The following PCSK5 variants were observed in gnomAD, a reference collection of about 807,000 sequenced individuals.
The protein encoded by PCSK5 is prohormone convertase 5.
A neutral mutation model predicts 233.2 loss-of-function variants in PCSK5; 129 were observed. That is an observed-to-expected ratio of 0.55 (90% CI 0.48 to 0.64). The LOEUF (loss-of-function observed/expected upper bound fraction) is 0.64. PCSK5 is among the 30% of genes least tolerant of loss of function. The pLI is 0.00. For missense variants in PCSK5, 2,076 were observed against 2,430.1 expected (o/e 0.85, Z 3.06); for synonymous variants, 825 against 879.2 (o/e 0.94, Z 1.09).
chr9:76,288,671 T>A (rs1419279569), intron 24 of PCSK5, among the ~76,000 whole-genome samples: 1 of 152,186 alleles, frequency 6.6e-6, no homozygotes, highest in Non-Finnish European at 1.5e-5. Context: ...TGCTGACTTG[T>A]GCCGACATTT....
intron 16 of PCSK5, among the ~76,000 whole-genome samples, chr9:76,182,832 G>GA (rs750391292): frequency 6.6e-6 from 1 of 152,124 alleles, no homozygotes; most frequent in African/African-American, 2.4e-5. Flanking sequence ...GAGACAAAGA[G>GA]AAAACTCAAG....
chr9:75,963,647 G>A (rs186048229), intron 2 of PCSK5, among the ~76,000 whole-genome samples: 145 of 152,322 alleles, frequency 9.5e-4, no homozygotes, highest in Middle Eastern at 3.4e-3. Flanking sequence ...TCGGGAGGCC[G>A]AGGCGGGCGG....
intron 10 of PCSK5, among the ~76,000 whole-genome samples, chr9:76,135,233 T>C (rs1050484596): frequency 4.6e-5 from 7 of 152,214 alleles, no homozygotes; most frequent in Admixed American, 4.6e-4. Flanking sequence ...TTACATATGA[T>C]CTTTATATAT....
At chr9:76,027,125 C>A in intron 5 of PCSK5, 88 bp downstream of exon 5, 1 of 778,716 alleles carries the variant, frequency 1.3e-6, no homozygotes, top group South Asian at 1.8e-5. Context: ...TCTTCAAAAT[C>A]CTTGATAACA....
intron 2 of PCSK5, among the ~76,000 whole-genome samples, chr9:75,945,225 C>T (rs536019356): frequency 6.2e-4 from 94 of 151,648 alleles, no homozygotes; most frequent in South Asian, 3.5e-3. Flanking sequence ...AAATAACATA[C>T]GTGGAACTTT....
At chr9:75,980,090 C>G (rs1311471153) in intron 2 of PCSK5, among the ~76,000 whole-genome samples, 1 of 152,130 alleles carries the variant, frequency 6.6e-6, no homozygotes, top group South Asian at 2.1e-4. Flanking sequence ...AGAAAAGAAA[C>G]AAGCAACAAA....
intron 17 of PCSK5, among the ~76,000 whole-genome samples, chr9:76,188,363 G>T (rs1374804714): frequency 6.6e-6 from 1 of 152,132 alleles, no homozygotes; most frequent in Non-Finnish European, 1.5e-5. Context: ...CAGCGTGTGT[G>T]TATGCTACAG....
intron 24 of PCSK5, among the ~76,000 whole-genome samples, chr9:76,258,779 G>C (rs971910066): frequency 6.6e-6 from 1 of 152,210 alleles, no homozygotes; most frequent in Non-Finnish European, 1.5e-5. Context: ...GACCTACTGA[G>C]ATTTTAAAGA....
intron 2 of PCSK5, among the ~76,000 whole-genome samples, chr9:75,961,304 A>T (rs1031391361): frequency 6.6e-6 from 1 of 152,238 alleles, no homozygotes; most frequent in Non-Finnish European, 1.5e-5. Context: ...GAGGAAATCT[A>T]TGAAATTTAA....
chr9:76,188,107 C>T (rs1159304337), intron 17 of PCSK5, among the ~76,000 whole-genome samples: 2 of 152,142 alleles, frequency 1.3e-5, no homozygotes, highest in East Asian at 1.9e-4. Flanking sequence ...ACAGGATGGT[C>T]GTACACTTTT....
In PCSK5 at chr9:76,327,322, G is replaced by A. The variant is rs899219660; in HGVS notation, c.4340-687G>A. On this transcript the variant is annotated intron_variant, in intron 32 of 37. Transcript: ENST00000674117. ...GTGTCTTGCCATGTTGCTCAGGCTG[G>A]TCTCGAACTCCTGGGCTCAAACAAT... is the stretch of plus-strand genomic sequence containing the variant. Among the ~76,000 whole-genome samples, 4 of 152,028 alleles carry A rather than the reference G, an allele frequency of 2.6e-5. No homozygotes were observed. In the South Asian group the frequency reaches 8.3e-4, roughly 32 times the overall value.
chr9:76,259,099 A>G (rs1197445943), intron 24 of PCSK5, among the ~76,000 whole-genome samples: 1 of 152,196 alleles, frequency 6.6e-6, no homozygotes, highest in Non-Finnish European at 1.5e-5. Flanking sequence ...TTTCCTTGGG[A>G]ATTCTATAAT....
chr9:76,098,272 C>T (rs893379575), intron 8 of PCSK5, among the ~76,000 whole-genome samples: 4 of 152,200 alleles, frequency 2.6e-5, no homozygotes, highest in Admixed American at 2.6e-4. Context: ...TTCCACCTGT[C>T]AGTACCTCCA....
At chr9:76,274,150 C>A (rs1361226057) in intron 24 of PCSK5, among the ~76,000 whole-genome samples, 3 of 151,874 alleles carry the variant, frequency 2.0e-5, no homozygotes, top group Non-Finnish European at 4.4e-5. Context: ...TGGGTTGAAG[C>A]TTCTATCTTT....
At chr9:76,310,017 G>A (rs1399887875) in intron 29 of PCSK5, among the ~76,000 whole-genome samples, 1 of 152,236 alleles carries the variant, frequency 6.6e-6, no homozygotes, top group East Asian at 1.9e-4. Flanking sequence ...GGAGGCTGAA[G>A]CGGGCAGATT....
intron 1 of PCSK5, among the ~76,000 whole-genome samples, chr9:75,902,647 A>C (rs1371710533): frequency 6.6e-6 from 1 of 152,232 alleles, no homozygotes; most frequent in Non-Finnish European, 1.5e-5. Context: ...GTCAAGAAAC[A>C]GAGGCTGAAG....
intron 3 of PCSK5, among the ~76,000 whole-genome samples, chr9:76,017,274 C>T (rs559005023): frequency 6.6e-6 from 1 of 152,246 alleles, no homozygotes; most frequent in East Asian, 1.9e-4. Flanking sequence ...ATCAATTGCC[C>T]TTTCAACTTT....
chr9:75,979,077 C>G (rs992149854), intron 2 of PCSK5, among the ~76,000 whole-genome samples: 3 of 152,092 alleles, frequency 2.0e-5, no homozygotes, highest in Non-Finnish European at 2.9e-5. Flanking sequence ...TGGTCTCGAA[C>G]TCCTGTCCTC....
At chr9:75,977,635 G>A (rs940066281) in intron 2 of PCSK5, among the ~76,000 whole-genome samples, 4 of 150,004 alleles carry the variant, frequency 2.7e-5, no homozygotes, top group African/African-American at 9.8e-5. Flanking sequence ...TTTTAAGACA[G>A]AGTCTCACTC....
Sources: allele counts gnomAD v4.1 joint callset (sites outside exome capture counted in the v4.1 genomes callset), GRCh38; gene constraint gnomAD v4.1.1; transcripts MANE v1.5; gene names NCBI Gene and HGNC (gene_info 2026-07-23, HGNC 2026-07-21).